The following SPATA13 variants were observed in gnomAD, a reference collection of about 807,000 sequenced individuals.
The protein encoded by SPATA13 is spermatogenesis associated 13.
A neutral mutation model predicts 104.0 loss-of-function variants in SPATA13; 50 were observed. The ratio of observed to expected loss-of-function variants is 0.48; its 90% CI spans 0.38 to 0.61. The LOEUF (loss-of-function observed/expected upper bound fraction) is 0.61. SPATA13 is among the 20% of genes least tolerant of loss of function. The pLI is 0.00. For missense variants in SPATA13, 1,524 were observed against 1,690.6 expected (o/e 0.90, Z 1.73); for synonymous variants, 606 against 667.5 (o/e 0.91, Z 1.42).
chr13:24,202,258 C>T (rs560363003), intron 1 of SPATA13, among the ~76,000 whole-genome samples: 3 of 151,892 alleles, frequency 2.0e-5, no homozygotes, highest in African/African-American at 7.2e-5. Flanking sequence ...TGCAAAAGGA[C>T]GTTAAGAATC....
At chr13:24,230,387 G>A (rs1314065363) in intron 2 of SPATA13, among the ~76,000 whole-genome samples, 1 of 152,180 alleles carries the variant, frequency 6.6e-6, no homozygotes, top group African/African-American at 2.4e-5. Context: ...AGCCCCAAAG[G>A]CGGCAGAATG....
chr13:24,003,590 C>T (rs763680865), intron 2 of SPATA13, among the ~76,000 whole-genome samples: 9 of 152,142 alleles, frequency 5.9e-5, no homozygotes, highest in Admixed American at 5.2e-4. Flanking sequence ...GAACCTTCAT[C>T]GTGTATTCAG....
intron 4 of SPATA13, among the ~76,000 whole-genome samples, chr13:24,255,992 A>G (rs1873770807): frequency 6.6e-6 from 1 of 152,252 alleles, no homozygotes; most frequent in South Asian, 2.1e-4. Context: ...TGTTATACAC[A>G]GATAGTGAAA....
At chr13:24,111,151 C>T (rs1880625830) in intron 3 of SPATA13, among the ~76,000 whole-genome samples, 1 of 151,940 alleles carries the variant, frequency 6.6e-6, no homozygotes, top group Non-Finnish European at 1.5e-5. Context: ...TTCAAGTGAT[C>T]CTCCCACCTT....
At position 24,290,471 on chromosome 13, in the gene SPATA13, G is replaced by A. The variant is rs138718414; in HGVS notation, c.2848-181G>A. ...CACCCCTTCTCGCCGGCCAGATAACGCTTGCGGAAACCATGGCAGGGCAGC... is the reference window on the plus strand; with the variant it reads ...CACCCCTTCTCGCCGGCCAGATAACACTTGCGGAAACCATGGCAGGGCAGC... On this transcript the variant is annotated intron_variant, in intron 8 of 12. Coordinates refer to ENST00000382108, the MANE Select transcript of SPATA13 (RefSeq NM_001166271.3). 4.3e-3 allele frequency among the ~76,000 whole-genome samples: 648 copies of A among 152,204 alleles called. 2 individuals carry two copies. Among genetic ancestry groups the A allele is most frequent in the Non-Finnish European group, 7.4e-3 (502 of 68,002 alleles).
At chr13:24,006,934 G>C (rs547210372) in intron 2 of SPATA13, among the ~76,000 whole-genome samples, 48 of 152,196 alleles carry the variant, frequency 3.2e-4, no homozygotes, top group African/African-American at 1.1e-3. Flanking sequence ...GGCATTGCCT[G>C]GGCTTTGTCA....
intron 2 of SPATA13, among the ~76,000 whole-genome samples, chr13:24,226,345 G>C (rs185768085): frequency 3.3e-5 from 5 of 152,320 alleles, no homozygotes; most frequent in African/African-American, 1.2e-4. Flanking sequence ...TTAGGAACAT[G>C]CAGTTTGGTA....
In SPATA13 at chr13:24,186,374, A is replaced by T. The variant is rs547850029; in HGVS notation, c.-112+25442A>T. Among the ~76,000 whole-genome samples, 14 of 152,304 alleles carry T rather than the reference A, an allele frequency of 9.2e-5. No individual in the cohort carries two copies. The South Asian group carries it at 2.7e-3, about 29-fold the overall frequency. ...GTATGACTAAGGTCAGAGGTTTACG[A>T]TATGTCAGGGATACACAAACTCACG... On this transcript the variant is annotated intron_variant, in intron 1 of 12. Coordinates refer to ENST00000382108, the MANE Select transcript of SPATA13 (RefSeq NM_001166271.3).
chr13:23,980,558 A>G lies in SPATA13; in HGVS notation c.-354+634A>G, dbSNP rs187898802. Among the ~76,000 whole-genome samples, 528 of 152,336 alleles carry G rather than the reference A, an allele frequency of 3.5e-3. 4 individuals are homozygous for G. The highest frequency in any genetic ancestry group is 0.024 in the Middle Eastern group (7 of 294). ...TTTGGATTGTGGTGTTATGGAAGAC[A>G]TGAACAAGAATAGTACTCCTACTTA... On this transcript the variant is annotated intron_variant, in intron 1 of 14. Transcript: ENST00000424834.
intron 1 of SPATA13, among the ~76,000 whole-genome samples, chr13:24,201,969 C>G (rs1300192049): frequency 5.3e-5 from 8 of 152,176 alleles, no homozygotes; most frequent in African/African-American, 1.9e-4. Flanking sequence ...GCCTCCTCAG[C>G]TTGGCTTCTT....
At chr13:24,174,307 T>A (rs990851084) in intron 1 of SPATA13, among the ~76,000 whole-genome samples, 1 of 152,148 alleles carries the variant, frequency 6.6e-6, no homozygotes, top group African/African-American at 2.4e-5. Context: ...TTTTTTCTAT[T>A]GATATTTGTT....
intron 3 of SPATA13, among the ~76,000 whole-genome samples, chr13:24,151,359 G>T (rs1882096152): frequency 6.6e-6 from 1 of 152,296 alleles, no homozygotes; most frequent in Non-Finnish European, 1.5e-5. Context: ...TTCCCCATTT[G>T]TAAAATGAAA....
intron 3 of SPATA13, among the ~76,000 whole-genome samples, chr13:24,126,914 C>T (rs1429900762): frequency 1.3e-5 from 2 of 152,170 alleles, no homozygotes; most frequent in Non-Finnish European, 2.9e-5. Flanking sequence ...TAAACGTTTT[C>T]TCTCTCTAGA....
chr13:24,224,691 G>T, intron 2 of SPATA13, 109 bp downstream of exon 2: 1 of 1,172,272 alleles, frequency 8.5e-7, no homozygotes, highest in South Asian at 1.3e-5. Context: ...GCCCTCTGCT[G>T]ACCTTGTTGC....
chr13:24,286,429 C>G lies in SPATA13; in HGVS notation c.2481+36C>G. On this transcript the variant is annotated intron_variant, in intron 6 of 12. Coordinates refer to ENST00000382108, the MANE Select transcript of SPATA13 (RefSeq NM_001166271.3). The surrounding 1 kb of genome is among the most constrained non-coding windows in gnomAD (Gnocchi z 4.9). ...GGTGCTTGCAGCTTTTCCAAAGTAC[C>G]TGGGGGAGCTGCAGGATCCTTTCAG... is the stretch of plus-strand genomic sequence containing the variant. 1 of 1,590,950 alleles carries G rather than the reference C, an allele frequency of 6.3e-7. No homozygotes were observed. The highest frequency in any genetic ancestry group is 8.6e-7 in the Non-Finnish European group (1 of 1,168,506).
Position 24,161,247 on chromosome 13 carries a change from G to A in SPATA13, c.-112+315G>A, listed in dbSNP as rs1015844809. On this transcript the variant is annotated intron_variant, in intron 1 of 12. Transcript: ENST00000382108. This position sits in a 1 kb window ranked among gnomAD's most constrained non-coding sequence, Gnocchi z 4.5. ...CGGAAGCCTGCAGGGAGGTCGCCTT[G>A]TAACTTCACCCGCGCTCCCAGCTCG... Among the ~76,000 whole-genome samples the A allele has an allele frequency of 6.6e-6, 1 of 152,136 alleles. No individual in the cohort carries two copies. The highest frequency in any genetic ancestry group is 2.4e-5 in the African/African-American group (1 of 41,434).
chr13:24,164,453 T>G (rs1344446239), intron 1 of SPATA13, among the ~76,000 whole-genome samples: 2 of 152,202 alleles, frequency 1.3e-5, no homozygotes, highest in Non-Finnish European at 2.9e-5. Flanking sequence ...CCTGATGCCC[T>G]GAGGCAGGCA....
rs67125164 is a variant in SPATA13, at chr13:24,202,070, CTAAATAAA to C, written c.-111-20712_-111-20705del. Reference sequence around the variant, plus strand: ...CCTGGGGGACAGAGCAAGACTCTGTCTAAATAAATAAATAAATAAATAAATAAATAAAT... The same window carrying C: ...CCTGGGGGACAGAGCAAGACTCTGTCTAAATAAATAAATAAATAAATAAAT... On this transcript the variant is annotated intron_variant, in intron 1 of 12. Transcript: ENST00000382108. 1.2e-3 allele frequency among the ~76,000 whole-genome samples: 175 copies of C among 151,308 alleles called. 1 individual carries two copies. The highest frequency in any genetic ancestry group is 3.4e-3 in the Middle Eastern group (1 of 294).
upstream of SPATA13, among the ~76,000 whole-genome samples, chr13:24,158,056 C>G (rs151168536): frequency 6.6e-6 from 1 of 152,084 alleles, no homozygotes; most frequent in African/African-American, 2.4e-5. Context: ...TTATGTGGAA[C>G]AACAACAAAA....
Sources: allele counts gnomAD v4.1 joint callset (sites outside exome capture counted in the v4.1 genomes callset), GRCh38; gene constraint gnomAD v4.1.1; non-coding constraint Gnocchi (gnomAD v3.1); transcripts MANE v1.5; gene names NCBI Gene and HGNC (gene_info 2026-07-23, HGNC 2026-07-21).